Variants in ATP6V1G3 observed in about 807,000 individuals in gnomAD.
ATP6V1G3 encodes the protein V-type proton ATPase subunit G 3.
ATP6V1G3 carries 9 observed loss-of-function variants against 9.3 expected under a neutral mutation model. The ratio of observed to expected loss-of-function variants is 0.97; its 90% CI spans 0.59 to 1.69. The LOEUF (loss-of-function observed/expected upper bound fraction) is 1.69, where lower values mean the gene tolerates loss of function less well. ATP6V1G3 is among the 40% of genes most tolerant of loss of function. The pLI is 0.00. For synonymous variants in ATP6V1G3, 43 were observed against 43.8 expected (o/e 0.98, Z 0.07); for missense variants, 133 against 139.0 (o/e 0.96, Z 0.22).
intron 1 of ATP6V1G3, among the ~76,000 whole-genome samples, chr1:198,531,434 T>C (rs1659894349): frequency 6.6e-6 from 1 of 152,204 alleles, no homozygotes; most frequent in African/African-American, 2.4e-5. Flanking sequence ...AAAACATGGC[T>C]GCTGTGACCA....
At chr1:198,527,331 T>A (rs1659695359) in intron 2 of ATP6V1G3, among the ~76,000 whole-genome samples, 1 of 152,114 alleles carries the variant, frequency 6.6e-6, no homozygotes, top group South Asian at 2.1e-4. Context: ...AAAATTGGCT[T>A]GGAGCGCTAA....
chr1:198,535,074 T>C (rs1438699853), intron 1 of ATP6V1G3, among the ~76,000 whole-genome samples: 1 of 152,200 alleles, frequency 6.6e-6, no homozygotes. Context: ...ATACAATAAA[T>C]AGTTTTGTGT....
chr1:198,535,338 C>A (rs1178547650), intron 1 of ATP6V1G3, among the ~76,000 whole-genome samples: 1 of 152,108 alleles, frequency 6.6e-6, no homozygotes, highest in African/African-American at 2.4e-5. Flanking sequence ...AAAACATCCA[C>A]TTGCATAGTG....
intron 2 of ATP6V1G3, among the ~76,000 whole-genome samples, chr1:198,524,353 G>A (rs1187686961): frequency 6.6e-6 from 1 of 152,032 alleles, no homozygotes; most frequent in Non-Finnish European, 1.5e-5. Context: ...TCGAACTCCT[G>A]ACCTGGTAAT....
rs577963659 is a variant in ATP6V1G3, at chr1:198,532,425, A to G, written c.83-3244T>C. Among the ~76,000 whole-genome samples the G allele has an allele frequency of 2.6e-5, 4 of 152,328 alleles. No homozygotes were observed. In the South Asian group the frequency reaches 8.3e-4, roughly 32 times the overall value. ...CTGAAATAAGAGATATTTAATCAAC[A>G]TAACTAGATGTCTATTCTGTGCCAC... On this transcript the variant is annotated intron_variant, in intron 1 of 2. Coordinates refer to ENST00000367382, the MANE Select transcript of ATP6V1G3 (RefSeq NM_001376861.1).
At chr1:198,527,589 G>T (rs926685749) in intron 2 of ATP6V1G3, among the ~76,000 whole-genome samples, 7 of 152,082 alleles carry the variant, frequency 4.6e-5, no homozygotes, top group African/African-American at 1.7e-4. Context: ...GTTTTCTCAG[G>T]TCCTAATAGA....
At chr1:198,537,893 A>G (rs1016453314) in intron 1 of ATP6V1G3, among the ~76,000 whole-genome samples, 19 of 152,268 alleles carry the variant, frequency 1.2e-4, no homozygotes, top group Non-Finnish European at 2.2e-4. Flanking sequence ...ATACTGGTAT[A>G]TAAGGTAATA....
At chr1:198,524,135 T>C (rs908882787) in intron 2 of ATP6V1G3, among the ~76,000 whole-genome samples, 2 of 151,758 alleles carry the variant, frequency 1.3e-5, no homozygotes, top group Non-Finnish European at 2.9e-5. Context: ...TTTTTTTTTT[T>C]TTTTTTTTAG....
intron 1 of ATP6V1G3, chr1:198,536,841 ACT>A: frequency 1.3e-6 from 1 of 799,062 alleles, no homozygotes; most frequent in South Asian, 2.4e-5. Flanking sequence ...AATAAAAATA[ACT>A]CTAGTGTGTA....
At chr1:198,530,048 C>A (rs1298894827) in intron 1 of ATP6V1G3, among the ~76,000 whole-genome samples, 1 of 152,102 alleles carries the variant, frequency 6.6e-6, no homozygotes, top group East Asian at 1.9e-4. Flanking sequence ...GCTCTCTCCA[C>A]CCACCACCTT....
In ATP6V1G3 at chr1:198,536,151, G is replaced by T. The variant is rs1413820355; in HGVS notation, c.82+4418C>A. 7.9e-5 allele frequency among the ~76,000 whole-genome samples: 12 copies of T among 152,090 alleles called. No homozygotes were observed. In the East Asian group the frequency reaches 2.3e-3, roughly 29 times the overall value. ...CCATGTATGTTCAGAAATGATTTGGGAATATGAGTTCTTTATGTGATGTTG... is the reference window on the plus strand; with the variant it reads ...CCATGTATGTTCAGAAATGATTTGGTAATATGAGTTCTTTATGTGATGTTG... On this transcript the variant is annotated intron_variant, in intron 1 of 2. Coordinates refer to ENST00000367382, the MANE Select transcript of ATP6V1G3 (RefSeq NM_001376861.1).
chr1:198,523,825 C>A (rs1336967536), intron 2 of ATP6V1G3, among the ~76,000 whole-genome samples: 6 of 152,124 alleles, frequency 3.9e-5, no homozygotes, highest in Admixed American at 2.6e-4. Context: ...CATTTATAAT[C>A]ATTAAACCAT....
intron 2 of ATP6V1G3, among the ~76,000 whole-genome samples, chr1:198,526,838 G>T (rs1288783219): frequency 6.6e-6 from 1 of 152,112 alleles, no homozygotes; most frequent in African/African-American, 2.4e-5. Context: ...TTTCTACTTA[G>T]ATTCATGATC....
In ATP6V1G3 at chr1:198,523,560, A is replaced by G; in HGVS notation, c.188T>C (p.Met63Thr). Residue 63 changes from methionine (M) to threonine (T), a missense_variant, in exon 3 of 3, where the codon ATG becomes ACG. Transcript: ENST00000367382. Reference sequence around the variant, plus strand: ...ATCTGAGAGATTATTCTGAGAGCCCATTATCTACCAAAACAAAACAGACAG... The same window carrying G: ...ATCTGAGAGATTATTCTGAGAGCCCGTTATCTACCAAAACAAAACAGACAG... ...KEFRLKQSKI[M>T]GSQNNLSDEI... 1.2e-6 allele frequency: 2 copies of G among 1,610,756 alleles called. No homozygotes were observed. Among genetic ancestry groups the G allele is most frequent in the Non-Finnish European group, 1.7e-6 (2 of 1,178,898 alleles).
At position 198,523,284 on chromosome 1, in the gene ATP6V1G3, TA is replaced by T; in HGVS notation, c.*106del. The T allele has an allele frequency of 9.0e-7, 1 of 1,116,106 alleles. No homozygotes were observed. The highest frequency in any genetic ancestry group is 1.3e-6 in the Non-Finnish European group (1 of 777,402). The allele number at this position is 1,116,106 out of a possible 1,614,324, so 69.1% of individuals were successfully genotyped here. On this transcript the variant is annotated 3_prime_UTR_variant, in exon 3 of 3. Coordinates refer to ENST00000367382, the MANE Select transcript of ATP6V1G3 (RefSeq NM_001376861.1). Reference sequence around the variant, plus strand: ...AGTTATGTCACATTTCCTGTAAATGTAAATTTAAGGTTCTCATTTCAAATTT... The same window carrying T: ...AGTTATGTCACATTTCCTGTAAATGTAATTTAAGGTTCTCATTTCAAATTT...
intron 1 of ATP6V1G3, among the ~76,000 whole-genome samples, chr1:198,538,893 A>T (rs1451696024): frequency 6.8e-6 from 1 of 147,312 alleles, no homozygotes; most frequent in Non-Finnish European, 1.5e-5. Context: ...CCCTGTCTCA[A>T]AAAAAAAAAA....
At chr1:198,525,186 A>G (rs1036251227) in intron 2 of ATP6V1G3, among the ~76,000 whole-genome samples, 1 of 152,194 alleles carries the variant, frequency 6.6e-6, no homozygotes, top group African/African-American at 2.4e-5. Flanking sequence ...ACTTATTAAA[A>G]TGGCTCTACC....
At chr1:198,523,761 A>G (rs1365889322) in intron 2 of ATP6V1G3, among the ~76,000 whole-genome samples, 197 bp from the exon 3 acceptor site, 1 of 152,210 alleles carries the variant, frequency 6.6e-6, no homozygotes, top group Non-Finnish European at 1.5e-5. Flanking sequence ...GAAACTGGTC[A>G]TAGCAGATTA....
chr1:198,540,818 C>T (rs1660317067), upstream of ATP6V1G3: 22 of 660,900 alleles, frequency 3.3e-5, no homozygotes, highest in South Asian at 3.9e-4. Flanking sequence ...CCAAGGAAAG[C>T]CCAAGGTGGA....
Sources: gnomAD v4.1 joint callset for allele counts (sites outside exome capture counted in the v4.1 genomes callset) on GRCh38, gnomAD v4.1.1 for gene constraint, MANE v1.5 for transcripts, NCBI Gene and HGNC (gene_info 2026-07-23, HGNC 2026-07-21) for gene names.